The following ALKAL1 variants were observed in gnomAD, a reference collection of about 807,000 sequenced individuals.
ALKAL1 encodes the protein ALK and LTK ligand 1, also known as AUG-beta.
ALKAL1 carries 23 observed loss-of-function variants against 13.5 expected under a neutral mutation model. The observed-to-expected ratio is 1.70, with a 90% CI of 1.23 to 2.41. The LOEUF (loss-of-function observed/expected upper bound fraction) is 2.41, where lower values mean the gene tolerates loss of function less well. Among genes scored for constraint, ALKAL1 ranks in the 30% most tolerant of loss-of-function variants. ALKAL1 has a pLI of 0.00. For synonymous variants in ALKAL1, 85 were observed against 77.7 expected (o/e 1.09, Z -0.49); for missense variants, 181 against 178.4 (o/e 1.01, Z -0.08).
chr8:52,556,400 C>A (rs1304781588), intron 1 of ALKAL1, among the ~76,000 whole-genome samples: 7 of 151,998 alleles, frequency 4.6e-5, no homozygotes, highest in African/African-American at 1.7e-4. Context: ...GTAATCCCAG[C>A]ACTTTGGGAG....
chr8:52,564,073 G>A (rs1292293579), intron 1 of ALKAL1, among the ~76,000 whole-genome samples: 1 of 152,212 alleles, frequency 6.6e-6, no homozygotes, highest in African/African-American at 2.4e-5. Context: ...CATAAAGCCT[G>A]AGGAGAAGGG....
chr8:52,555,042 G>A (rs1252251496), intron 1 of ALKAL1, among the ~76,000 whole-genome samples: 1 of 151,996 alleles, frequency 6.6e-6, no homozygotes, highest in African/African-American at 2.4e-5. Flanking sequence ...GTGGTGGCGG[G>A]CGCCTGTAGT....
At chr8:52,564,473 C>A (rs1486869909) in intron 1 of ALKAL1, among the ~76,000 whole-genome samples, 1 of 152,160 alleles carries the variant, frequency 6.6e-6, no homozygotes, top group African/African-American at 2.4e-5. Context: ...TCCTTCCACT[C>A]CCCTCGGGCA....
At chr8:52,542,330 T>C (rs113685684) in intron 2 of ALKAL1, 62 bp downstream of exon 2, 3 of 1,099,760 alleles carry the variant, frequency 2.7e-6, no homozygotes, top group African/African-American at 1.6e-5. Context: ...GTGCCTGACA[T>C]AGTATTCTGC....
At chr8:52,546,137 A>G (rs1847366069) in intron 1 of ALKAL1, among the ~76,000 whole-genome samples, 1 of 152,356 alleles carries the variant, frequency 6.6e-6, no homozygotes, top group African/African-American at 2.4e-5. Context: ...TCTGTAGATG[A>G]CAGAAACGTC....
At chr8:52,548,332 C>T (rs551876227) in intron 1 of ALKAL1, among the ~76,000 whole-genome samples, 4 of 150,394 alleles carry the variant, frequency 2.7e-5, no homozygotes, top group Admixed American at 6.6e-5. Context: ...GCGACAAGAG[C>T]GAGACTCCGT....
intron 1 of ALKAL1, among the ~76,000 whole-genome samples, chr8:52,548,032 G>T (rs1020115599): frequency 1.3e-5 from 2 of 152,118 alleles, no homozygotes; most frequent in Non-Finnish European, 2.9e-5. Flanking sequence ...TTGTGGATGT[G>T]GTGTTGGACG....
chr8:52,564,938 G>T, intron 1 of ALKAL1, 129 bp downstream of exon 1: 1 of 667,016 alleles, frequency 1.5e-6, no homozygotes, highest in Non-Finnish European at 2.1e-6. Flanking sequence ...CTGGGAATCT[G>T]CAGAGATGCT....
intron 1 of ALKAL1, among the ~76,000 whole-genome samples, chr8:52,543,696 G>A (rs1239221649): frequency 6.6e-6 from 1 of 152,132 alleles, no homozygotes; most frequent in East Asian, 1.9e-4. Context: ...CCCGAACATA[G>A]GTCTTTTCCC....
At chr8:52,556,742 A>G (rs946464082) in intron 1 of ALKAL1, among the ~76,000 whole-genome samples, 6 of 151,976 alleles carry the variant, frequency 3.9e-5, no homozygotes, top group Non-Finnish European at 7.4e-5. Context: ...TCAATTCATC[A>G]ACAAATGAGA....
intron 4 of ALKAL1, among the ~76,000 whole-genome samples, chr8:52,536,324 C>G (rs537769797): frequency 3.9e-4 from 60 of 152,042 alleles, no homozygotes; most frequent in African/African-American, 1.1e-3. Context: ...AAATGCTGAC[C>G]CAAAAAAAGT....
At chr8:52,559,043 C>T (rs1447688737) in intron 1 of ALKAL1, among the ~76,000 whole-genome samples, 2 of 152,034 alleles carry the variant, frequency 1.3e-5, no homozygotes, top group African/African-American at 4.8e-5. Context: ...ACAACTAGCT[C>T]TCAAGAAAAG....
chr8:52,538,441 T>A lies in ALKAL1; in HGVS notation c.*2A>T, dbSNP rs189118210. ...TAAATATATACTCACAGGGTAGTTTTGCTAGGTCTGGGAGCACAGTGGACT... is the reference window on the plus strand; with the variant it reads ...TAAATATATACTCACAGGGTAGTTTAGCTAGGTCTGGGAGCACAGTGGACT... On this transcript the variant is annotated 3_prime_UTR_variant, in exon 4 of 5. Coordinates refer to ENST00000358543, the MANE Select transcript of ALKAL1 (RefSeq NM_207413.4). The A allele has an allele frequency of 2.1e-5, 33 of 1,592,938 alleles. No individual in the cohort carries two copies. In the East Asian group the frequency reaches 7.4e-4, roughly 36 times the overall value.
rs1254054817 is a variant in ALKAL1 at position 52,565,168 on chromosome 8, C to T, written c.89G>A (p.Arg30Gln). Residue 30 changes from arginine (R) to glutamine (Q), a missense_variant, in exon 1 of 5, where the codon CGG (arginine) becomes CAG (glutamine). Physicochemically the swap from Arg to Gln is conservative, Grantham distance 43 (BLOSUM62 1). Transcript: ENST00000358543. ...LSPHGAHGRP[R>Q]GRRGARVTDK... Reference sequence around the variant, plus strand: ...CGTGACGCGCGCTCCCCTGCGCCCCCGGGGCCTCCCGTGGGCTCCGTGCGG... The same window carrying T: ...CGTGACGCGCGCTCCCCTGCGCCCCTGGGGCCTCCCGTGGGCTCCGTGCGG... 3 of 1,389,520 alleles carry T rather than the reference C, an allele frequency of 2.2e-6. No homozygotes were observed. In the East Asian group the frequency reaches 9.2e-5, roughly 43 times the overall value. The allele number at this position is 1,389,520 out of a possible 1,614,324, so 86.1% of individuals were successfully genotyped here.
intron 1 of ALKAL1, among the ~76,000 whole-genome samples, 200 bp downstream of exon 1, chr8:52,564,867 A>T (rs1316989077): frequency 6.6e-6 from 1 of 152,188 alleles, no homozygotes; most frequent in Non-Finnish European, 1.5e-5. Context: ...TGCCAGCCGG[A>T]TTTCTTTACT....
intron 1 of ALKAL1, among the ~76,000 whole-genome samples, chr8:52,546,676 G>A (rs1563321232): frequency 6.6e-6 from 1 of 152,188 alleles, no homozygotes; most frequent in African/African-American, 2.4e-5. Context: ...AGCAAATCGG[G>A]TATCAGTTTA....
intron 1 of ALKAL1, among the ~76,000 whole-genome samples, chr8:52,559,047 A>G (rs1330516732): frequency 1.3e-5 from 2 of 152,102 alleles, no homozygotes; most frequent in Non-Finnish European, 2.9e-5. Flanking sequence ...CTAGCTCTCA[A>G]GAAAAGTAAT....
intron 1 of ALKAL1, among the ~76,000 whole-genome samples, chr8:52,551,720 A>C: frequency 6.6e-6 from 1 of 152,186 alleles, no homozygotes; most frequent in Middle Eastern, 3.4e-3. Flanking sequence ...TGAAAAAATA[A>C]ATTATTTATT....
chr8:52,553,952 A>G lies in ALKAL1; in HGVS notation c.190+11115T>C, dbSNP rs77699029. ...AAAATGCTAAAACAGGGCCGGGTGC[A>G]GTGGCTCATGCCTGTAATCCCAGCA... is the stretch of plus-strand genomic sequence containing the variant. On this transcript the variant is annotated intron_variant, in intron 1 of 4. Transcript: ENST00000358543. 6.1e-3 allele frequency among the ~76,000 whole-genome samples: 928 copies of G among 152,318 alleles called. 10 individuals are homozygous for G. The highest frequency in any genetic ancestry group is 0.021 in the African/African-American group (875 of 41,568).
Sources: allele counts gnomAD v4.1 joint callset (sites outside exome capture counted in the v4.1 genomes callset), GRCh38; gene constraint gnomAD v4.1.1; transcripts MANE v1.5; gene names NCBI Gene and HGNC (gene_info 2026-07-23, HGNC 2026-07-21).